Variants in TOP1 observed in about 807,000 individuals in gnomAD.
TOP1 encodes the protein DNA topoisomerase 1.
Under a neutral mutation model 111.1 loss-of-function variants are expected in TOP1, and 10 were observed. The observed-to-expected ratio is 0.09, with a 90% CI of 0.06 to 0.15. The LOEUF (loss-of-function observed/expected upper bound fraction) is 0.15. Ranked by LOEUF, TOP1 falls within the 10% of genes least tolerant of loss-of-function variation. The pLI is 1.00. For missense variants in TOP1, 474 were observed against 926.7 expected, an observed-to-expected ratio of 0.51 and a Z score of 6.34; for synonymous variants, 271 against 302.9, an observed-to-expected ratio of 0.89 and a Z score of 1.10.
chr20:41,065,977 A>T (rs1254424025), intron 3 of TOP1, among the ~76,000 whole-genome samples: 1 of 152,230 alleles, frequency 6.6e-6, no homozygotes, highest in Non-Finnish European at 1.5e-5. Flanking sequence ...AAAAAAAATT[A>T]GATAACCTTT....
Position 41,100,093 on chromosome 20 carries a change from A to G in TOP1, c.1013A>G (p.Tyr338Cys), listed in dbSNP as rs761702126. The change falls in exon 12 of 21, where the codon TAT becomes TGT. Residue 338 changes from tyrosine (Y) to cysteine (C), a missense_variant. By Grantham distance (194) the Tyr-to-Cys change is radical. Around this residue, in one of 14 missense-constraint regions of TOP1, gnomAD observed 14 missense variants for 66.1 expected, o/e 0.21. Coordinates refer to ENST00000361337, the MANE Select transcript of TOP1 (RefSeq NM_003286.4). This position sits in a 1 kb window ranked among gnomAD's most constrained non-coding sequence, Gnocchi z 4.4. ...KEENEKLLKE[Y>C]GFCIMDNHKE... ...GAGAATGAAAAATTACTGAAAGAAT[A>G]TGGATTCTGTATTATGGATAACCAC... 1.9e-6 allele frequency: 3 copies of G among 1,612,732 alleles called. No individual in the cohort carries two copies. Among genetic ancestry groups the G allele is most frequent in the Non-Finnish European group, 2.5e-6 (3 of 1,179,182 alleles).
chr20:41,096,933 C>T (rs1188730360), intron 9 of TOP1, among the ~76,000 whole-genome samples: 2 of 152,176 alleles, frequency 1.3e-5, no homozygotes, highest in African/African-American at 2.4e-5. Flanking sequence ...GGAAGAGTGA[C>T]TGGGCCTCCC....
At chr20:41,074,835 C>T (rs961873384) in intron 3 of TOP1, among the ~76,000 whole-genome samples, 5 of 152,194 alleles carry the variant, frequency 3.3e-5, no homozygotes, top group Non-Finnish European at 7.3e-5. Flanking sequence ...AAGCAAGGCT[C>T]CTTAACTGCC....
chr20:41,053,940 T>C (rs941855510), intron 2 of TOP1, among the ~76,000 whole-genome samples: 1 of 152,230 alleles, frequency 6.6e-6, no homozygotes, highest in Non-Finnish European at 1.5e-5. Flanking sequence ...TGTTTGATTT[T>C]GCCAAATTCT....
intron 2 of TOP1, among the ~76,000 whole-genome samples, chr20:41,048,572 A>G (rs2033362224): frequency 6.6e-6 from 1 of 152,232 alleles, no homozygotes; most frequent in Admixed American, 6.5e-5. Context: ...AGGACATTGC[A>G]TTAAAGGAGT....
In TOP1 at chr20:41,034,205, G is replaced by A. The variant is rs1482810527; in HGVS notation, c.58+4750G>A. 3.9e-5 allele frequency among the ~76,000 whole-genome samples: 6 copies of A among 152,190 alleles called. No homozygotes were observed. The East Asian group carries it at 7.7e-4, about 20-fold the overall frequency. ...ACTTCCAAACTAGTCCTTAAGAGGCGAATGGGTATTGTGTTTAAAGGAAGC... is the reference window on the plus strand; with the variant it reads ...ACTTCCAAACTAGTCCTTAAGAGGCAAATGGGTATTGTGTTTAAAGGAAGC... On this transcript the variant is annotated intron_variant, in intron 2 of 20. Transcript: ENST00000361337. The surrounding 1 kb of genome is among the most constrained non-coding windows in gnomAD (Gnocchi z 4.0).
chr20:41,066,744 C>T (rs956386370), intron 3 of TOP1, among the ~76,000 whole-genome samples: 1 of 151,716 alleles, frequency 6.6e-6, no homozygotes, highest in Non-Finnish European at 1.5e-5. Flanking sequence ...TTAGTAGAGA[C>T]GGGGTTTTAC....
intron 13 of TOP1, among the ~76,000 whole-genome samples, chr20:41,105,106 A>G (rs2034125238): frequency 6.6e-6 from 1 of 152,140 alleles, no homozygotes; most frequent in South Asian, 2.1e-4. Context: ...CTTGTATACC[A>G]TTCACCTTCT....
chr20:41,107,495 C>A (rs552541152), intron 13 of TOP1, among the ~76,000 whole-genome samples: 1 of 152,298 alleles, frequency 6.6e-6, no homozygotes, highest in South Asian at 2.1e-4. Context: ...ATTTAATCTA[C>A]AAGTTATTCC....
At position 41,123,474 on chromosome 20, in the gene TOP1, CTATGGACAACTTATTTAAAAA is replaced by C. The variant is rs2034451576; in HGVS notation, c.*181_*201del. 2.3e-6 allele frequency: 1 copy of C among 443,772 alleles called. No individual in the cohort carries two copies. Among genetic ancestry groups the C allele is most frequent in the Non-Finnish European group, 4.0e-6 (1 of 252,256 alleles). 27.5% of individuals were successfully genotyped at this position (443,772 alleles called of 1,614,324 possible). A position where few individuals can be genotyped will look rare whatever the true frequency, so the allele number is the denominator to read the frequency against. ...ATAAGGGAGAGCTGAGCCAGTTGTC[CTATGGACAACTTATTTAAAAA>C]TATTTCAGATATCAAAATTCTAGCT... On this transcript the variant is annotated 3_prime_UTR_variant, in exon 21 of 21. Coordinates refer to ENST00000361337, the MANE Select transcript of TOP1 (RefSeq NM_003286.4). This position sits in a 1 kb window ranked among gnomAD's most constrained non-coding sequence, Gnocchi z 5.8.
At chr20:41,045,024 G>A (rs1006014576) in intron 2 of TOP1, among the ~76,000 whole-genome samples, 1 of 152,160 alleles carries the variant, frequency 6.6e-6, no homozygotes, top group Non-Finnish European at 1.5e-5. Flanking sequence ...CTGGCCTCTA[G>A]TGATTCACCT....
intron 13 of TOP1, among the ~76,000 whole-genome samples, chr20:41,108,276 G>A (rs551847046): frequency 4.6e-5 from 7 of 152,170 alleles, no homozygotes; most frequent in Non-Finnish European, 1.0e-4. Context: ...ACATAATAGT[G>A]TATCATTGTA....
intron 2 of TOP1, among the ~76,000 whole-genome samples, chr20:41,031,823 A>G (rs896363400): frequency 6.6e-6 from 1 of 151,600 alleles, no homozygotes; most frequent in Non-Finnish European, 1.5e-5. Context: ...ACAAATCTCT[A>G]TTTTCTTACA....
At position 41,034,643 on chromosome 20, in the gene TOP1, G is replaced by T. The variant is rs761369912; in HGVS notation, c.58+5188G>T. ...AATGATTTAATAGTAAATAGATATT[G>T]TTGAACATTTTCTGTGTGTATAGGA... On this transcript the variant is annotated intron_variant, in intron 2 of 20. Transcript: ENST00000361337. The surrounding 1 kb of genome is among the most constrained non-coding windows in gnomAD (Gnocchi z 4.0). Among the ~76,000 whole-genome samples the T allele has an allele frequency of 2.6e-5, 4 of 152,156 alleles. No homozygotes were observed. Among genetic ancestry groups the T allele is most frequent in the Non-Finnish European group, 5.9e-5 (4 of 68,040 alleles).
chr20:41,084,669 G>T, intron 8 of TOP1, 101 bp downstream of exon 8: 2 of 675,330 alleles, frequency 3.0e-6, no homozygotes, highest in Non-Finnish European at 4.7e-6. Flanking sequence ...ATATTTGGGG[G>T]GAAATACTTT....
In TOP1 at chr20:41,097,254, A is replaced by G. The variant is rs1323644418; in HGVS notation, c.765A>G (p.Glu255=). The change falls in exon 10 of 21, where the codon GAA becomes GAG. Residue 255 remains glutamate, a synonymous_variant. Coordinates refer to ENST00000361337, the MANE Select transcript of TOP1 (RefSeq NM_003286.4). This position sits in a 1 kb window ranked among gnomAD's most constrained non-coding sequence, Gnocchi z 4.2. Reference sequence around the variant, plus strand: ...TGAAGCTGAGCCCCAAAGCAGAGGAAGTAGCTACGTTCTTTGCAAAAATGC... The same window carrying G: ...TGAAGCTGAGCCCCAAAGCAGAGGAGGTAGCTACGTTCTTTGCAAAAATGC... The part of the protein sequence containing the change: ...KVMKLSPKAE[E]VATFFAKMLD... 2 of 1,613,852 alleles carry G rather than the reference A, an allele frequency of 1.2e-6. No homozygotes were observed.
rs897374786 is a variant in TOP1, at chr20:41,102,376, G to A, written c.1308+1023G>A. Among the ~76,000 whole-genome samples the A allele has an allele frequency of 1.3e-5, 2 of 152,202 alleles. No homozygotes were observed. The highest frequency in any genetic ancestry group is 1.9e-4 in the East Asian group (1 of 5,202). ...TGTAATCCCAGCACTTTGGGAGGCC[G>A]AGATGGGCGGATCACCTGAGGTCAG... is the stretch of plus-strand genomic sequence containing the variant. On this transcript the variant is annotated intron_variant, in intron 13 of 20. Coordinates refer to ENST00000361337, the MANE Select transcript of TOP1 (RefSeq NM_003286.4). This position sits in a 1 kb window ranked among gnomAD's most constrained non-coding sequence, Gnocchi z 4.0.
intron 3 of TOP1, among the ~76,000 whole-genome samples, chr20:41,068,966 A>G (rs2033640672): frequency 1.3e-5 from 2 of 152,250 alleles, no homozygotes; most frequent in Admixed American, 1.3e-4. Flanking sequence ...TAAACCTGGC[A>G]TTCACACTGG....
chr20:41,081,640 A>G lies in TOP1; in HGVS notation c.507+400A>G, dbSNP rs575240009. On this transcript the variant is annotated intron_variant, in intron 7 of 20. Coordinates refer to ENST00000361337, the MANE Select transcript of TOP1 (RefSeq NM_003286.4). ...TCATTCACTTTAGGTAACCATTCCT[A>G]TCTAAAGTTCTTTAATGGGTACCCC... Among the ~76,000 whole-genome samples the G allele has an allele frequency of 1.2e-4, 18 of 152,340 alleles. No individual in the cohort carries two copies. In the South Asian group the frequency reaches 3.7e-3, roughly 32 times the overall value.
Sources: allele counts gnomAD v4.1 joint callset (sites outside exome capture counted in the v4.1 genomes callset), GRCh38; gene constraint gnomAD v4.1.1; regional missense constraint gnomAD v4.1.1; non-coding constraint Gnocchi (gnomAD v3.1); transcripts MANE v1.5; gene names NCBI Gene and HGNC (gene_info 2026-07-23, HGNC 2026-07-21).